The following NR3C2 variants were observed in gnomAD, a reference collection of about 807,000 sequenced individuals.
NR3C2 encodes nuclear receptor subfamily 3 group C member 2, also known as mineralocorticoid receptor.
A neutral mutation model predicts 86.4 loss-of-function variants in NR3C2; 15 were observed. That is an observed-to-expected ratio of 0.17 (90% CI 0.12 to 0.27). The LOEUF is 0.27. Among genes scored for constraint, NR3C2 ranks in the 10% least tolerant of loss-of-function variants. The pLI, the probability that NR3C2 is intolerant of heterozygous loss-of-function variation, is 1.00. For synonymous variants in NR3C2, 458 were observed against 450.5 expected, an observed-to-expected ratio of 1.02 and a Z score of -0.21; for missense variants, 960 against 1,195.6, an observed-to-expected ratio of 0.80 and a Z score of 2.91.
At chr4:148,126,113 C>T (rs1382138763) in intron 6 of NR3C2, among the ~76,000 whole-genome samples, 3 of 152,220 alleles carry the variant, frequency 2.0e-5, no homozygotes, top group Non-Finnish European at 4.4e-5. Context: ...CCAGCAGGTC[C>T]TAGAGGGGCA....
intron 2 of NR3C2, among the ~76,000 whole-genome samples, chr4:148,399,992 C>T (rs188509702): frequency 3.2e-4 from 48 of 152,274 alleles, no homozygotes; most frequent in Admixed American, 1.1e-3. Flanking sequence ...AATGCAGCTT[C>T]TTTCAACTTA....
intron 2 of NR3C2, among the ~76,000 whole-genome samples, chr4:148,407,389 AT>A (rs1053347562): frequency 3.3e-5 from 5 of 152,226 alleles, no homozygotes; most frequent in Non-Finnish European, 1.5e-5. Flanking sequence ...GGTTTATAAG[AT>A]TGTAAAAATG....
Position 148,081,312 on chromosome 4 carries a change from CTT to C in NR3C2, c.*30_*31del. ...CTGGGTGTGGAACAACACAGGGAAA[CTT>C]AAGGCAAAGTTCTTCTGGGCAGCGG... On this transcript the variant is annotated 3_prime_UTR_variant, in exon 9 of 9. Transcript: ENST00000358102. The C allele has an allele frequency of 1.2e-6, 2 of 1,614,176 alleles. No homozygotes were observed. Among genetic ancestry groups the C allele is most frequent in the South Asian group, 1.1e-5 (1 of 91,076 alleles).
intron 3 of NR3C2, among the ~76,000 whole-genome samples, chr4:148,221,341 A>G (rs1029003358): frequency 9.9e-5 from 15 of 152,244 alleles, no homozygotes; most frequent in African/African-American, 3.4e-4. Flanking sequence ...TACAACTCAT[A>G]GAACAATTCT....
At chr4:148,100,693 G>A (rs562272849) in intron 8 of NR3C2, among the ~76,000 whole-genome samples, 263 of 152,308 alleles carry the variant, frequency 1.7e-3, no homozygotes, top group Admixed American at 3.2e-3. Context: ...AGAATTATAT[G>A]ATCCAGCAAT....
At chr4:148,151,627 T>C (rs768846525) in intron 6 of NR3C2, among the ~76,000 whole-genome samples, 18 of 152,204 alleles carry the variant, frequency 1.2e-4, no homozygotes, top group Admixed American at 3.9e-4. Flanking sequence ...TCTATACTTT[T>C]CATCTTTTGC....
chr4:148,373,841 C>T (rs1746543826), intron 2 of NR3C2, among the ~76,000 whole-genome samples: 1 of 152,118 alleles, frequency 6.6e-6, no homozygotes, highest in African/African-American at 2.4e-5. Flanking sequence ...CTAATTTAAA[C>T]TCAGTTAATA....
intron 2 of NR3C2, among the ~76,000 whole-genome samples, chr4:148,364,576 G>T (rs1415792872): frequency 6.6e-6 from 1 of 152,160 alleles, no homozygotes; most frequent in Non-Finnish European, 1.5e-5. Context: ...ATATGTGTTA[G>T]GTCCTTACAA....
chr4:148,427,147 G>A (rs372893896), intron 2 of NR3C2, among the ~76,000 whole-genome samples: 1 of 151,894 alleles, frequency 6.6e-6, no homozygotes, highest in Admixed American at 6.5e-5. Context: ...TAGAGATGGG[G>A]TTTCACCATG....
intron 3 of NR3C2, among the ~76,000 whole-genome samples, chr4:148,246,463 A>T (rs995202352): frequency 5.3e-5 from 8 of 152,258 alleles, no homozygotes; most frequent in Admixed American, 3.9e-4. Context: ...AAGTATCTGA[A>T]ATCACATTCT....
At chr4:148,162,567 C>A (rs1352304806) in intron 4 of NR3C2, among the ~76,000 whole-genome samples, 1 of 152,152 alleles carries the variant, frequency 6.6e-6, no homozygotes, top group East Asian at 1.9e-4. Flanking sequence ...ATTTAAATAG[C>A]TTCTGGTAAT....
intron 2 of NR3C2, among the ~76,000 whole-genome samples, chr4:148,276,525 A>G (rs1159537716): frequency 6.6e-6 from 1 of 152,166 alleles, no homozygotes; most frequent in Non-Finnish European, 1.5e-5. Context: ...TACCTTAGAA[A>G]GAGATTTCCT....
chr4:148,356,306 C>A (rs967710615), intron 2 of NR3C2, among the ~76,000 whole-genome samples: 1 of 152,144 alleles, frequency 6.6e-6, no homozygotes, highest in South Asian at 2.1e-4. Context: ...TGTCAATGTA[C>A]AAATGATGTT....
intron 3 of NR3C2, among the ~76,000 whole-genome samples, chr4:148,242,473 T>C (rs553550550): frequency 2.6e-5 from 4 of 152,338 alleles, no homozygotes; most frequent in South Asian, 2.1e-4. Flanking sequence ...AGCAGCACTC[T>C]CTTTCCACTA....
chr4:148,234,330 G>A (rs571064774), intron 3 of NR3C2, among the ~76,000 whole-genome samples: 34 of 152,188 alleles, frequency 2.2e-4, no homozygotes, highest in Non-Finnish European at 4.6e-4. Context: ...CAGAGTGATT[G>A]CCCAACATTT....
intron 8 of NR3C2, among the ~76,000 whole-genome samples, chr4:148,104,342 G>GGTTTGTTTT (rs1731686588): frequency 3.1e-5 from 2 of 63,794 alleles, no homozygotes; most frequent in Non-Finnish European, 6.5e-5. Flanking sequence ...TTTTGGTTTG[G>GGTTTGTTTT]TTTTTTTTTT....
intron 4 of NR3C2, among the ~76,000 whole-genome samples, chr4:148,161,022 T>C (rs1039862909): frequency 2.0e-5 from 3 of 152,194 alleles, no homozygotes; most frequent in African/African-American, 7.2e-5. Flanking sequence ...TAAGAACTAA[T>C]TTGCACTAAT....
chr4:148,367,043 G>A (rs1381442642), intron 2 of NR3C2, among the ~76,000 whole-genome samples: 1 of 152,136 alleles, frequency 6.6e-6, no homozygotes, highest in Non-Finnish European at 1.5e-5. Context: ...GCAGAAAGAG[G>A]TGTGTTACAC....
intron 2 of NR3C2, among the ~76,000 whole-genome samples, chr4:148,388,006 T>C (rs1747354566): frequency 1.3e-5 from 2 of 152,220 alleles, no homozygotes; most frequent in Admixed American, 1.3e-4. Flanking sequence ...GCATTTCTAA[T>C]AAGTCAGTTT....
Sources: gnomAD v4.1 joint callset for allele counts (sites outside exome capture counted in the v4.1 genomes callset) on GRCh38, gnomAD v4.1.1 for gene constraint, MANE v1.5 for transcripts, NCBI Gene and HGNC (gene_info 2026-07-23, HGNC 2026-07-21) for gene names.